Variants in KIAA1217 observed in about 807,000 individuals in gnomAD.
KIAA1217 encodes sickle tail protein homolog.
Under a neutral mutation model 163.9 loss-of-function variants are expected in KIAA1217, and 88 were observed. That is an observed-to-expected ratio of 0.54 (90% CI 0.45 to 0.64). The LOEUF is 0.64. KIAA1217 is among the 30% of genes least tolerant of loss of function. KIAA1217 has a pLI of 0.00. For synonymous variants in KIAA1217, 903 were observed against 923.1 expected (o/e 0.98, Z 0.39); for missense variants, 2,372 against 2,475.0 (o/e 0.96, Z 0.88).
At chr10:24,011,303 T>A (rs1045159503) in intron 2 of KIAA1217, among the ~76,000 whole-genome samples, 2 of 151,916 alleles carry the variant, frequency 1.3e-5, no homozygotes, top group African/African-American at 4.8e-5. Context: ...CTGGACAACA[T>A]AGCGAGACCC....
chr10:24,038,299 C>T (rs1367559215), intron 2 of KIAA1217, among the ~76,000 whole-genome samples: 7 of 152,134 alleles, frequency 4.6e-5, no homozygotes, highest in African/African-American at 1.2e-4. Context: ...CTCTTCAATG[C>T]GCTTTAAAAT....
At chr10:24,062,320 G>A (rs1213781150) in intron 2 of KIAA1217, among the ~76,000 whole-genome samples, 1 of 120,792 alleles carries the variant, frequency 8.3e-6, no homozygotes, top group African/African-American at 3.2e-5. Context: ...CCCAGTGTGT[G>A]ATGTTCCCCT....
intron 1 of KIAA1217, among the ~76,000 whole-genome samples, chr10:23,971,523 C>T (rs546057514): frequency 5.3e-5 from 8 of 152,158 alleles, no homozygotes; most frequent in Non-Finnish European, 1.2e-4. Context: ...ACAACTATAC[C>T]TTCCTTCCCT....
intron 1 of KIAA1217, among the ~76,000 whole-genome samples, chr10:23,876,345 A>T (rs940200351): frequency 6.6e-6 from 1 of 151,874 alleles, no homozygotes; most frequent in Non-Finnish European, 1.5e-5. Context: ...GGTGGAAGGG[A>T]TGGGAAAAGG....
intron 1 of KIAA1217, among the ~76,000 whole-genome samples, chr10:23,943,665 A>C (rs1469472914): frequency 6.6e-6 from 1 of 152,254 alleles, no homozygotes; most frequent in African/African-American, 2.4e-5. Context: ...GTCCTAAAAT[A>C]GTTTAAAACA....
intron 1 of KIAA1217, among the ~76,000 whole-genome samples, chr10:23,845,610 T>C (rs1838988539): frequency 2.0e-5 from 3 of 152,176 alleles, no homozygotes; most frequent in Non-Finnish European, 2.9e-5. Flanking sequence ...TTTGTTTAAG[T>C]TATTTGTAGA....
At chr10:23,841,443 T>C (rs557992042) in intron 1 of KIAA1217, among the ~76,000 whole-genome samples, 1 of 152,266 alleles carries the variant, frequency 6.6e-6, no homozygotes, top group South Asian at 2.1e-4. Context: ...ACCAAAATAA[T>C]TGATGCATGC....
intron 1 of KIAA1217, among the ~76,000 whole-genome samples, chr10:23,733,262 C>T (rs1455649633): frequency 6.6e-6 from 1 of 152,164 alleles, no homozygotes; most frequent in Non-Finnish European, 1.5e-5. Context: ...ATCCTCCCTC[C>T]TTGACCTTCC....
intron 1 of KIAA1217, among the ~76,000 whole-genome samples, chr10:23,896,478 T>A (rs118066542): frequency 0.017 from 2,595 of 152,184 alleles, 43 homozygotes; most frequent in Admixed American, 0.048. Flanking sequence ...CTGATAGAGA[T>A]CTTTCTGGTG....
At chr10:23,888,284 A>G (rs1009599339) in intron 1 of KIAA1217, among the ~76,000 whole-genome samples, 6 of 151,964 alleles carry the variant, frequency 3.9e-5, no homozygotes, top group African/African-American at 1.4e-4. Context: ...GACCTCATTC[A>G]GTAACAATCA....
chr10:24,484,433 G>C (rs1316222894), intron 6 of KIAA1217, among the ~76,000 whole-genome samples: 2 of 151,326 alleles, frequency 1.3e-5, no homozygotes, highest in East Asian at 1.9e-4. Flanking sequence ...TTTTAGTAGA[G>C]ACAAGGTTTC....
chr10:24,196,758 A>G (rs2067008942), intron 2 of KIAA1217, among the ~76,000 whole-genome samples: 1 of 152,184 alleles, frequency 6.6e-6, no homozygotes. Flanking sequence ...GTCCAGGCAT[A>G]TCTAAGCCCC....
intron 1 of KIAA1217, among the ~76,000 whole-genome samples, chr10:23,700,748 A>G: frequency 6.6e-6 from 1 of 152,162 alleles, no homozygotes. Flanking sequence ...CATCTTTTCA[A>G]TAAGGTCTTT....
At chr10:24,134,767 G>C (rs2131816759) in intron 2 of KIAA1217, among the ~76,000 whole-genome samples, 1 of 152,222 alleles carries the variant, frequency 6.6e-6, no homozygotes, top group Non-Finnish European at 1.5e-5. Context: ...TGTAGAGACA[G>C]GGTCTCACTG....
intron 1 of KIAA1217, among the ~76,000 whole-genome samples, chr10:23,704,172 G>GTGTCTATATATATA: frequency 2.5e-5 from 1 of 39,948 alleles, no homozygotes. Flanking sequence ...GTGTGTGTGT[G>GTGTCTATATATATA]TATATATATA....
intron 3 of KIAA1217, among the ~76,000 whole-genome samples, chr10:24,420,245 C>T (rs879933476): frequency 8.5e-5 from 13 of 152,200 alleles, no homozygotes; most frequent in Middle Eastern, 3.4e-3. Context: ...CTCTATGTGA[C>T]GAGAATAAAA....
At chr10:24,398,286 C>G (rs2056095665) in intron 3 of KIAA1217, among the ~76,000 whole-genome samples, 1 of 152,100 alleles carries the variant, frequency 6.6e-6, no homozygotes. Context: ...CATCATTAAG[C>G]TCTTCATCCC....
At chr10:24,396,192 A>C (rs4325214) in intron 3 of KIAA1217, among the ~76,000 whole-genome samples, 82,941 of 151,810 alleles carry the variant, frequency 0.55, 26,179 homozygotes, top group African/African-American at 0.88. Flanking sequence ...CAAAAATTAG[A>C]CAGGTGTGGT....
chr10:24,481,530 C>T (rs1300197661), intron 6 of KIAA1217: 1 of 152,122 alleles, frequency 6.6e-6, no homozygotes, highest in Non-Finnish European at 1.5e-5. Context: ...TCCCAAAGTC[C>T]AGCTTGGAAG....
Sources: allele counts gnomAD v4.1 joint callset (sites outside exome capture counted in the v4.1 genomes callset), GRCh38; gene constraint gnomAD v4.1.1; transcripts MANE v1.5; gene names NCBI Gene and HGNC (gene_info 2026-07-23, HGNC 2026-07-21).